NBAS: variants seen among roughly 807,000 people sequenced by gnomAD.
NBAS encodes NBAS subunit of NRZ tethering complex.
In NBAS, 219 loss-of-function variants were observed where a neutral mutation model predicts 302.5. That is an observed-to-expected ratio of 0.72 (90% CI 0.65 to 0.81). The LOEUF (loss-of-function observed/expected upper bound fraction) is 0.81, where lower values mean the gene tolerates loss of function less well. Among genes scored for constraint, NBAS ranks in the 30% least tolerant of loss-of-function variants. The pLI is 0.00. For missense variants in NBAS, 2,932 were observed against 2,841.6 expected (o/e 1.03, Z -0.72); for synonymous variants, 1,118 against 1,021.6 (o/e 1.09, Z -1.80).
chr2:14,817,013 A>G, the NBAS span, among the ~76,000 whole-genome samples: 1 of 152,120 alleles, frequency 6.6e-6, no homozygotes, highest in Non-Finnish European at 1.5e-5. Flanking sequence ...TGACTCCATA[A>G]AATAATTAGC....
At chr2:15,314,721 G>T (rs551199466) in intron 38 of NBAS, among the ~76,000 whole-genome samples, 5 of 152,174 alleles carry the variant, frequency 3.3e-5, no homozygotes, top group African/African-American at 4.8e-5. Flanking sequence ...CAAAATACTT[G>T]TATGAGAGTT....
chr2:15,119,506 A>ATTTTTTTGT, the NBAS span, among the ~76,000 whole-genome samples: 1 of 151,788 alleles, frequency 6.6e-6, no homozygotes, highest in Non-Finnish European at 1.5e-5. Flanking sequence ...ACGCCCAGCT[A>ATTTTTTTGT]ATTTTTGTAT....
At chr2:14,847,388 A>C in the NBAS span, among the ~76,000 whole-genome samples, 1 of 148,990 alleles carries the variant, frequency 6.7e-6, no homozygotes, top group African/African-American at 2.5e-5. Flanking sequence ...ATCTTAAAAA[A>C]AAAAAAAAAA....
chr2:14,930,465 C>T, the NBAS span, among the ~76,000 whole-genome samples: 3 of 152,136 alleles, frequency 2.0e-5, no homozygotes, highest in Non-Finnish European at 4.4e-5. Flanking sequence ...AGAATGACTG[C>T]AAAAGCTATA....
At chr2:15,502,482 G>A (rs1382405475) in intron 11 of NBAS, among the ~76,000 whole-genome samples, 3 of 152,188 alleles carry the variant, frequency 2.0e-5, no homozygotes, top group Non-Finnish European at 4.4e-5. Context: ...TACGCACCTA[G>A]GCTGGGTGGT....
At chr2:15,397,612 G>A (rs1361112611) in intron 26 of NBAS, 26 of 594,312 alleles carry the variant, frequency 4.4e-5, no homozygotes, top group South Asian at 9.1e-5. Context: ...TTTCAAAGAC[G>A]CTCGCTTCAG....
At position 15,237,882 on chromosome 2, in the gene NBAS, C is replaced by T. The variant is rs1458723867; in HGVS notation, c.5943+586G>A. ...CTCCGCCTCCCGGGTTCAAGCCATT[C>T]CCCTGCCTCAGCCTCCTGAGTAGCT... is the stretch of plus-strand genomic sequence containing the variant. On this transcript the variant is annotated intron_variant, in intron 45 of 51. Coordinates refer to ENST00000281513, the MANE Select transcript of NBAS (RefSeq NM_015909.4). 2.6e-5 allele frequency among the ~76,000 whole-genome samples: 4 copies of T among 151,048 alleles called. No homozygotes were observed. The East Asian group carries it at 7.9e-4, about 30-fold the overall frequency.
chr2:15,079,551 C>T, the NBAS span, among the ~76,000 whole-genome samples: 2 of 152,186 alleles, frequency 1.3e-5, no homozygotes, highest in South Asian at 2.1e-4. Context: ...CTAACCCAAA[C>T]CTCTTGCCAT....
intron 28 of NBAS, 109 bp downstream of exon 28, chr2:15,394,118 G>A (rs971064466): frequency 8.6e-7 from 1 of 1,158,990 alleles, no homozygotes; most frequent in East Asian, 2.6e-5. Context: ...CTTTAAATAT[G>A]TGCAGTTTAT....
chr2:14,787,823 T>C, the NBAS span, among the ~76,000 whole-genome samples: 2 of 152,080 alleles, frequency 1.3e-5, no homozygotes, highest in Non-Finnish European at 2.9e-5. Context: ...TCTCAAGGAG[T>C]ATCTTTGTGG....
chr2:15,342,343 A>G (rs1328045996), intron 35 of NBAS, among the ~76,000 whole-genome samples: 2 of 152,218 alleles, frequency 1.3e-5, no homozygotes, highest in African/African-American at 4.8e-5. Flanking sequence ...AAATCATGGT[A>G]CATGCATCCA....
At chr2:15,144,046 A>ATATATATATATATATATTATCCTATAT in the NBAS span, among the ~76,000 whole-genome samples, 7 of 104,552 alleles carry the variant, frequency 6.7e-5, no homozygotes, top group African/African-American at 2.9e-4. Context: ...CCTATATATA[A>ATATATATATATATATATTATCCTATAT]AAATATATAT....
chr2:15,399,805 A>T (rs79502498), intron 26 of NBAS, among the ~76,000 whole-genome samples: 1 of 23,554 alleles, frequency 4.2e-5, no homozygotes, highest in Non-Finnish European at 1.4e-4. Flanking sequence ...AATCTTCTTT[A>T]AAAAAAATCC....
chr2:14,786,340 T>C, the NBAS span, among the ~76,000 whole-genome samples: 1 of 152,172 alleles, frequency 6.6e-6, no homozygotes, highest in Non-Finnish European at 1.5e-5. Context: ...GCTCTGATTT[T>C]AGTTATTTCT....
At chr2:14,912,703 TAAAAA>T in the NBAS span, among the ~76,000 whole-genome samples, 1 of 78,554 alleles carries the variant, frequency 1.3e-5, no homozygotes, top group Non-Finnish European at 2.9e-5. Flanking sequence ...CATTCATTTT[TAAAAA>T]AAAAAAAAAA....
the NBAS span, among the ~76,000 whole-genome samples, chr2:15,036,897 G>T: frequency 6.6e-6 from 1 of 152,276 alleles, no homozygotes; most frequent in East Asian, 1.9e-4. Flanking sequence ...GGGCAGGATG[G>T]AAATTAGACT....
the NBAS span, among the ~76,000 whole-genome samples, chr2:14,844,269 A>G: frequency 6.6e-6 from 1 of 152,248 alleles, no homozygotes; most frequent in South Asian, 2.1e-4. Context: ...TCCAGGCCGT[A>G]GCTCCCAGAC....
the NBAS span, among the ~76,000 whole-genome samples, chr2:14,969,257 A>G: frequency 0.23 from 35,415 of 152,068 alleles, 6,595 homozygotes; most frequent in African/African-American, 0.51. Context: ...TAAGAAAAAC[A>G]TTCAAAAGTT....
At chr2:15,358,383 CGTGT>C (rs1042710881) in intron 32 of NBAS, among the ~76,000 whole-genome samples, 8 of 151,726 alleles carry the variant, frequency 5.3e-5, no homozygotes, top group Admixed American at 3.9e-4. Flanking sequence ...GCTGCTTGGC[CGTGT>C]GTGTGTGTAT....
Sources: allele counts gnomAD v4.1 joint callset (sites outside exome capture counted in the v4.1 genomes callset), GRCh38; gene constraint gnomAD v4.1.1; transcripts MANE v1.5; gene names NCBI Gene and HGNC (gene_info 2026-07-23, HGNC 2026-07-21).